The following DCST1 variants were observed in gnomAD, a reference collection of about 807,000 sequenced individuals.
The protein encoded by DCST1 is E3 ubiquitin-protein ligase DCST1.
Under a neutral mutation model 89.1 loss-of-function variants are expected in DCST1, and 78 were observed. The observed-to-expected ratio is 0.88, with a 90% CI of 0.73 to 1.06. The LOEUF (loss-of-function observed/expected upper bound fraction) is 1.06, where lower values mean the gene tolerates loss of function less well. Among genes scored for constraint, DCST1 ranks in the 50% least tolerant of loss-of-function variants. The pLI, the probability that DCST1 is intolerant of heterozygous loss-of-function variation, is 0.00. For synonymous variants in DCST1, 364 were observed against 371.9 expected, an observed-to-expected ratio of 0.98 and a Z score of 0.24; for missense variants, 900 against 928.6, an observed-to-expected ratio of 0.97 and a Z score of 0.40.
Position 155,043,431 on chromosome 1 carries a change from G to A in DCST1, c.1094G>A (p.Arg365His), listed in dbSNP as rs570204076. ...ACCGAGGTGCGGGACTACGTGTACC[G>A]CCAGGAGGCCCGGCTGGAGTGGGCC... is the stretch of plus-strand genomic sequence containing the variant. ...VSTEVRDYVY[R>H]QEARLEWALG... The change falls in exon 10 of 17, where the codon CGC becomes CAC. Residue 365 changes from arginine to histidine, a missense_variant. Physicochemically the swap from Arg to His is conservative, Grantham distance 29. Transcript: ENST00000295542. The A allele has an allele frequency of 2.5e-5, 41 of 1,613,354 alleles. No homozygotes were observed. The African/African-American group carries it at 3.1e-4, about 12-fold the overall frequency.
rs1660293548 is a variant in DCST1 at position 155,036,894 on chromosome 1, A to G, written c.262+2167A>G. On this transcript the variant is annotated intron_variant, in intron 4 of 16. Coordinates refer to ENST00000295542, the MANE Select transcript of DCST1 (RefSeq NM_152494.4). ...CCTCCCTCCAGCAGGCTGGGAGTGC[A>G]CACGTCCGTGCCCTGCCAGGCAGAG... 2.0e-5 allele frequency among the ~76,000 whole-genome samples: 3 copies of G among 152,198 alleles called. No individual in the cohort carries two copies. In the South Asian group the frequency reaches 6.2e-4, roughly 31 times the overall value.
Position 155,042,975 on chromosome 1 carries a change from G to A in DCST1, c.1014+119G>A, listed in dbSNP as rs1000109470. 2.8e-6 allele frequency: 4 copies of A among 1,438,868 alleles called. No individual in the cohort carries two copies. The African/African-American group carries it at 5.7e-5, about 20-fold the overall frequency. 89.1% of individuals were successfully genotyped at this position (1,438,868 alleles called of 1,614,324 possible). ...ACAGGAAAGAGGTGACCAGGGGTGA[G>A]GGAGGGGGACAAGGAGGGGGAATGT... On this transcript the variant is annotated intron_variant, in intron 9 of 16. Transcript: ENST00000295542.
rs1660505187 is a variant in DCST1, at chr1:155,043,527, C to T, written c.1172+18C>T. ...CTGCATGCGTGAGCCATAGTCCCCA[C>T]CCCAGCAGCCCCTCCTCTGCCCCGG... On this transcript the variant is annotated intron_variant, in intron 10 of 16. Transcript: ENST00000295542. The T allele has an allele frequency of 1.9e-6, 3 of 1,555,300 alleles. No individual in the cohort carries two copies. The highest frequency in any genetic ancestry group is 2.5e-5 in the South Asian group (2 of 81,500).
rs775387050 is a variant in DCST1 at position 155,047,342 on chromosome 1, G to A, written c.1612+30G>A. On this transcript the variant is annotated intron_variant, in intron 14 of 16. Transcript: ENST00000295542. ...GTGATGCTGAAAGTTTGGATCAGAG[G>A]AATCGAGGGCGGTGGGGCAAGGGTC... 4 of 1,591,106 alleles carry A rather than the reference G, an allele frequency of 2.5e-6. No homozygotes were observed. The South Asian group carries it at 3.3e-5, about 13-fold the overall frequency.
chr1:155,047,616 A>G (rs1361101538), intron 14 of DCST1, among the ~76,000 whole-genome samples, 171 bp from the exon 15 acceptor site: 1 of 152,232 alleles, frequency 6.6e-6, no homozygotes, highest in Non-Finnish European at 1.5e-5. Context: ...TCTGTGCCAC[A>G]TTGGGCCCAG....
chr1:155,043,305 C>G lies in DCST1; in HGVS notation c.1015-47C>G, dbSNP rs557949931. ...TGTCATGAAGAGGTGGGACCCAGGT[C>G]TGACGAGGTGGCCGCAGGCTGAGTT... is the stretch of plus-strand genomic sequence containing the variant. On this transcript the variant is annotated intron_variant, in intron 9 of 16. Coordinates refer to ENST00000295542, the MANE Select transcript of DCST1 (RefSeq NM_152494.4). The G allele has an allele frequency of 1.2e-4, 201 of 1,612,962 alleles. No homozygotes were observed. The South Asian group carries it at 2.2e-3, about 17-fold the overall frequency.
chr1:155,049,337 C>T (rs542111647), intron 16 of DCST1: 2 of 395,342 alleles, frequency 5.1e-6, no homozygotes, highest in South Asian at 7.7e-5. Flanking sequence ...GCAGTGATCA[C>T]ATCTCCAAGC....
intron 8 of DCST1, 108 bp from the exon 9 acceptor site, chr1:155,042,627 G>A: frequency 6.7e-7 from 1 of 1,491,986 alleles, no homozygotes; most frequent in Non-Finnish European, 9.2e-7. Context: ...GCCATGGGCA[G>A]AGAGACAAAA....
At chr1:155,036,047 C>CA (rs11445380) in intron 4 of DCST1, among the ~76,000 whole-genome samples, 2,493 of 69,084 alleles carry the variant, frequency 0.036, 76 homozygotes, top group African/African-American at 0.096. Flanking sequence ...AACTCTGTCT[C>CA]AAAAAAAAAA....
At chr1:155,036,623 T>C (rs1660284298) in intron 4 of DCST1, among the ~76,000 whole-genome samples, 1 of 152,210 alleles carries the variant, frequency 6.6e-6, no homozygotes, top group African/African-American at 2.4e-5. Context: ...AGAAGGGAGA[T>C]TAGAAGAATT....
Position 155,042,715 on chromosome 1 carries a change from C to A in DCST1, c.893-20C>A. 3.1e-6 allele frequency: 5 copies of A among 1,613,874 alleles called. No individual in the cohort carries two copies. Among genetic ancestry groups the A allele is most frequent in the Non-Finnish European group, 4.2e-6 (5 of 1,179,988 alleles). On this transcript the variant is annotated intron_variant, in intron 8 of 16. Transcript: ENST00000295542. ...AGGACAGGCCCGGGGAGGCCCCTGA[C>A]CCCGTCCACTGTTCACCAGTGATGG... is the stretch of plus-strand genomic sequence containing the variant.
intron 14 of DCST1, 140 bp from the exon 15 acceptor site, chr1:155,047,647 C>A: frequency 2.8e-6 from 2 of 725,162 alleles, no homozygotes; most frequent in Non-Finnish European, 4.5e-6. Flanking sequence ...ACTGACAGGG[C>A]AGTTCTGCAG....
At chr1:155,044,602 AG>A (rs1299651894) in intron 10 of DCST1, among the ~76,000 whole-genome samples, 1 of 152,052 alleles carries the variant, frequency 6.6e-6, no homozygotes, top group Non-Finnish European at 1.5e-5. Context: ...GGAGCTGGGA[AG>A]GTGCCCCTTG....
At chr1:155,035,927 T>C (rs373170294) in intron 4 of DCST1, among the ~76,000 whole-genome samples, 28 of 150,348 alleles carry the variant, frequency 1.9e-4, no homozygotes, top group African/African-American at 6.6e-4. Flanking sequence ...CGAAAGGCCA[T>C]CTCAAAAAAA....
intron 8 of DCST1, 93 bp downstream of exon 8, chr1:155,041,950 G>A (rs55668940): frequency 0.18 from 279,150 of 1,554,782 alleles, 26,414 homozygotes; most frequent in Non-Finnish European, 0.2. Flanking sequence ...AGCAACAGAT[G>A]AGGAGGGTTT....
intron 14 of DCST1, 93 bp from the exon 15 acceptor site, chr1:155,047,694 G>A (rs899609235): frequency 4.2e-5 from 48 of 1,150,122 alleles, no homozygotes; most frequent in African/African-American, 6.1e-5. Flanking sequence ...GGAATCAGAG[G>A]ACTGCACCTC....
intron 10 of DCST1, 151 bp downstream of exon 10, chr1:155,043,660 G>A: frequency 8.9e-7 from 1 of 1,119,478 alleles, no homozygotes; most frequent in Admixed American, 3.5e-5. Flanking sequence ...CAAAGTTAAA[G>A]GAAAAGTGGA....
chr1:155,033,986 G>T lies in DCST1; in HGVS notation c.-51G>T, dbSNP rs565005381. Reference sequence around the variant, plus strand: ...TCTCTCACCAGAACCTTGTGTCCAAGGAGGTCCTTCAGGAGACCTGGGATG... The same window carrying T: ...TCTCTCACCAGAACCTTGTGTCCAATGAGGTCCTTCAGGAGACCTGGGATG... On this transcript the variant is annotated 5_prime_UTR_variant, in exon 2 of 17. It adds an upstream start codon to the 5' untranslated region. Coordinates refer to ENST00000295542, the MANE Select transcript of DCST1 (RefSeq NM_152494.4). 78 of 1,608,764 alleles carry T rather than the reference G, an allele frequency of 4.8e-5. 1 individual carries two copies. The Admixed American group carries it at 6.2e-4, about 13-fold the overall frequency.
At chr1:155,044,556 G>C (rs1240099360) in intron 10 of DCST1, among the ~76,000 whole-genome samples, 1 of 150,850 alleles carries the variant, frequency 6.6e-6, no homozygotes, top group Non-Finnish European at 1.5e-5. Flanking sequence ...GATGGTTCAA[G>C]GGCCATTCTA....
Sources: gnomAD v4.1 joint callset for allele counts (sites outside exome capture counted in the v4.1 genomes callset) on GRCh38, gnomAD v4.1.1 for gene constraint, MANE v1.5 for transcripts, NCBI Gene and HGNC (gene_info 2026-07-23, HGNC 2026-07-21) for gene names.